Variants in CDH13 observed in about 807,000 individuals in gnomAD.
The protein encoded by CDH13 is cadherin-13.
In CDH13, 24 loss-of-function variants were observed where a neutral mutation model predicts 63.8. The ratio of observed to expected loss-of-function variants is 0.38; its 90% CI spans 0.27 to 0.53. The LOEUF (loss-of-function observed/expected upper bound fraction) is 0.53. CDH13 is among the 20% of genes least tolerant of loss of function. CDH13 has a pLI of 0.85. For missense variants in CDH13, 1,049 were observed against 903.1 expected, an observed-to-expected ratio of 1.16 and a Z score of -2.07; for synonymous variants, 503 against 355.3, an observed-to-expected ratio of 1.42 and a Z score of -4.67.
intron 1 of CDH13, among the ~76,000 whole-genome samples, chr16:82,750,738 G>T (rs1187670763): frequency 6.6e-6 from 1 of 152,104 alleles, no homozygotes; most frequent in Non-Finnish European, 1.5e-5. Flanking sequence ...AGTCCACCTG[G>T]AGCTTATTAA....
At chr16:82,670,884 G>T (rs1913159984) in intron 1 of CDH13, among the ~76,000 whole-genome samples, 1 of 152,116 alleles carries the variant, frequency 6.6e-6, no homozygotes, top group African/African-American at 2.4e-5. Context: ...TTTTTCCCAT[G>T]GCTGTCACTG....
At chr16:83,603,899 A>G (rs1382856667) in intron 8 of CDH13, among the ~76,000 whole-genome samples, 1 of 152,214 alleles carries the variant, frequency 6.6e-6, no homozygotes, top group South Asian at 2.1e-4. Flanking sequence ...AGAGGAAGCC[A>G]GCACATCTTC....
At chr16:83,393,872 A>G (rs552466117) in intron 6 of CDH13, among the ~76,000 whole-genome samples, 84 of 152,298 alleles carry the variant, frequency 5.5e-4, no homozygotes, top group African/African-American at 1.9e-3. Context: ...TGAGAACTGT[A>G]GAGAGAAGCA....
chr16:83,777,075 A>T (rs906884090), intron 11 of CDH13, among the ~76,000 whole-genome samples: 1 of 152,134 alleles, frequency 6.6e-6, no homozygotes, highest in Non-Finnish European at 1.5e-5. Context: ...CTTGATCACC[A>T]AGAAAAGACA....
intron 8 of CDH13, among the ~76,000 whole-genome samples, chr16:83,636,215 G>A (rs562927188): frequency 6.6e-6 from 1 of 152,204 alleles, no homozygotes; most frequent in South Asian, 2.1e-4. Flanking sequence ...TCTTATTACC[G>A]GAGCTGTAGA....
At chr16:82,915,127 G>T (rs2041947250) in intron 2 of CDH13, among the ~76,000 whole-genome samples, 1 of 152,202 alleles carries the variant, frequency 6.6e-6, no homozygotes. Flanking sequence ...CTCAAGCCTG[G>T]ATGCTCTCTG....
chr16:83,084,159 T>A (rs2033435848), intron 3 of CDH13, among the ~76,000 whole-genome samples: 1 of 152,206 alleles, frequency 6.6e-6, no homozygotes, highest in Non-Finnish European at 1.5e-5. Context: ...TTGCTTATCT[T>A]TGGCTTTGAA....
chr16:82,899,154 C>T (rs57610624), intron 2 of CDH13, among the ~76,000 whole-genome samples: 2,277 of 152,278 alleles, frequency 0.015, 54 homozygotes, highest in African/African-American at 0.051. Flanking sequence ...AAGCTCAGTC[C>T]ACAGGGTCTC....
chr16:82,727,451 T>G (rs966687448), intron 1 of CDH13: 3 of 152,128 alleles, frequency 2.0e-5, no homozygotes, highest in Non-Finnish European at 4.4e-5. Context: ...CAGTAACCAT[T>G]CCTCCTTATT....
intron 2 of CDH13, among the ~76,000 whole-genome samples, chr16:82,910,572 C>A (rs1368347740): frequency 1.3e-5 from 2 of 152,226 alleles, no homozygotes; most frequent in African/African-American, 4.8e-5. Flanking sequence ...GTGATTGTTT[C>A]ATTAAACTCT....
intron 1 of CDH13, among the ~76,000 whole-genome samples, chr16:82,856,024 A>G (rs1389440092): frequency 6.6e-6 from 1 of 152,178 alleles, no homozygotes; most frequent in African/African-American, 2.4e-5. Context: ...TAAGAAACAC[A>G]CAGAGTCGAG....
intron 1 of CDH13, among the ~76,000 whole-genome samples, chr16:82,742,009 A>G (rs767755874): frequency 1.6e-4 from 25 of 152,186 alleles, no homozygotes; most frequent in Non-Finnish European, 3.7e-4. Context: ...TATAGTAGGA[A>G]AAAATTGAAA....
At chr16:82,843,714 G>T (rs1405758495) in intron 1 of CDH13, among the ~76,000 whole-genome samples, 1 of 152,218 alleles carries the variant, frequency 6.6e-6, no homozygotes, top group East Asian at 1.9e-4. Flanking sequence ...CTGACATCTT[G>T]TCTAATGTCT....
chr16:83,113,884 G>A (rs1403577583), intron 3 of CDH13, among the ~76,000 whole-genome samples: 2 of 152,174 alleles, frequency 1.3e-5, no homozygotes, highest in African/African-American at 4.8e-5. Context: ...AAGCCTGCTG[G>A]ATCTTCCTGG....
At chr16:83,029,897 C>G (rs1412368728) in intron 2 of CDH13, among the ~76,000 whole-genome samples, 5 of 152,164 alleles carry the variant, frequency 3.3e-5, no homozygotes, top group African/African-American at 1.2e-4. Flanking sequence ...TAAGCCTGTT[C>G]AGCAGAGACC....
chr16:83,360,505 G>A (rs867044105), intron 6 of CDH13, among the ~76,000 whole-genome samples: 2 of 151,872 alleles, frequency 1.3e-5, no homozygotes, highest in Non-Finnish European at 2.9e-5. Flanking sequence ...ACACATGCAG[G>A]CTTATTGTAT....
chr16:82,865,581 C>A (rs78687455), intron 2 of CDH13, among the ~76,000 whole-genome samples: 1 of 152,184 alleles, frequency 6.6e-6, no homozygotes, highest in Non-Finnish European at 1.5e-5. Flanking sequence ...AGTCCTGAGA[C>A]GGCACAAAGC....
At chr16:83,624,232 C>T (rs1366975678) in intron 8 of CDH13, among the ~76,000 whole-genome samples, 2 of 152,138 alleles carry the variant, frequency 1.3e-5, no homozygotes, top group African/African-American at 4.8e-5. Flanking sequence ...CACCCACATC[C>T]TCTCTCCCAG....
At chr16:83,015,601 T>G (rs1002670661) in intron 2 of CDH13, among the ~76,000 whole-genome samples, 2 of 146,508 alleles carry the variant, frequency 1.4e-5, no homozygotes, top group African/African-American at 5.0e-5. Flanking sequence ...ACATCTGTGA[T>G]TCATTATCGT....
Sources: allele counts gnomAD v4.1 joint callset (sites outside exome capture counted in the v4.1 genomes callset), GRCh38; gene constraint gnomAD v4.1.1; transcripts MANE v1.5; gene names NCBI Gene and HGNC (gene_info 2026-07-23, HGNC 2026-07-21).